The following DEPDC5 variants were observed in gnomAD, a reference collection of about 807,000 sequenced individuals.
DEPDC5 encodes the protein GATOR1 complex protein DEPDC5.
In DEPDC5, 73 loss-of-function variants were observed where a neutral mutation model predicts 217.3. The observed-to-expected ratio is 0.34, with a 90% confidence interval of 0.28 to 0.41. The LOEUF (loss-of-function observed/expected upper bound fraction) is 0.41. Among genes scored for constraint, DEPDC5 ranks in the 10% least tolerant of loss-of-function variants. DEPDC5 has a pLI of 1.00. For missense variants in DEPDC5, 1,675 were observed against 2,070.1 expected, an observed-to-expected ratio of 0.81 and a Z score of 3.70; for synonymous variants, 733 against 756.7, an observed-to-expected ratio of 0.97 and a Z score of 0.51.
At chr22:31,867,010 A>G (rs547436956) in intron 33 of DEPDC5, among the ~76,000 whole-genome samples, 14 of 152,328 alleles carry the variant, frequency 9.2e-5, no homozygotes, top group Non-Finnish European at 1.5e-4. Flanking sequence ...CACATCACTA[A>G]GTCTAGCCCA....
At chr22:31,865,110 G>T (rs867847495) in intron 33 of DEPDC5, among the ~76,000 whole-genome samples, 5 of 152,272 alleles carry the variant, frequency 3.3e-5, no homozygotes, top group Middle Eastern at 6.8e-3. Context: ...ACAGGCGTAA[G>T]CCACCGCACC....
At chr22:31,819,329 C>G in intron 22 of DEPDC5, 104 bp downstream of exon 22, 1 of 1,242,646 alleles carries the variant, frequency 8.0e-7, no homozygotes, top group South Asian at 1.3e-5. Flanking sequence ...TGTTGCTCCA[C>G]CTGTAAGATG....
intron 4 of DEPDC5, among the ~76,000 whole-genome samples, chr22:31,762,929 C>T (rs1233658323): frequency 1.3e-5 from 2 of 152,002 alleles, no homozygotes; most frequent in African/African-American, 4.8e-5. Flanking sequence ...ATTCTCCTGC[C>T]TCAGCCTCCC....
At chr22:31,843,840 C>G (rs2091546503) in intron 29 of DEPDC5, 28 bp downstream of exon 29, 1 of 1,569,334 alleles carries the variant, frequency 6.4e-7, no homozygotes, top group African/African-American at 1.3e-5. Flanking sequence ...GGATTTCCAT[C>G]TTTGCATCCT....
chr22:31,899,829 C>T (rs905865116), intron 40 of DEPDC5, among the ~76,000 whole-genome samples: 1 of 152,154 alleles, frequency 6.6e-6, no homozygotes, highest in Non-Finnish European at 1.5e-5. Flanking sequence ...CTCAGCACCT[C>T]CTCCCTGAGA....
At position 31,906,868 on chromosome 22, in the gene DEPDC5, T is replaced by C; in HGVS notation, c.*371T>C. ...GGTAGCATCCTTTTCCTTCACCATC[T>C]ATGGGATATTAGGGGCAGAATCTGC... On this transcript the variant is annotated 3_prime_UTR_variant, in exon 43 of 43. Transcript: ENST00000651528. The surrounding 1 kb of genome is among the most constrained non-coding windows in gnomAD (Gnocchi z 5.1). 1 of 357,490 alleles carries C rather than the reference T, an allele frequency of 2.8e-6. No individual in the cohort carries two copies. Among genetic ancestry groups the C allele is most frequent in the Non-Finnish European group, 5.2e-6 (1 of 192,020 alleles). The allele number at this position is 357,490 out of a possible 1,614,324, so 22.1% of individuals were successfully genotyped here. A position where few individuals can be genotyped will look rare whatever the true frequency, so the allele number is the denominator to read the frequency against.
intron 7 of DEPDC5, chr22:31,769,091 T>C (rs776341492): frequency 5.2e-5 from 16 of 305,872 alleles, no homozygotes; most frequent in Non-Finnish European, 7.3e-5. Flanking sequence ...AAACCCCGTC[T>C]CTACTAAAAA....
chr22:31,848,169 C>G (rs1477684769), intron 31 of DEPDC5, among the ~76,000 whole-genome samples: 1 of 152,198 alleles, frequency 6.6e-6, no homozygotes, highest in Non-Finnish European at 1.5e-5. Context: ...CTGCAGGGTA[C>G]CACCCCACTT....
At chr22:31,799,270 C>T (rs1489945189) in intron 14 of DEPDC5, among the ~76,000 whole-genome samples, 1 of 151,552 alleles carries the variant, frequency 6.6e-6, no homozygotes, top group Non-Finnish European at 1.5e-5. Context: ...GTCTCGATCT[C>T]CTGACCTCAT....
chr22:31,815,950 T>C (rs1401511145), intron 21 of DEPDC5: 2 of 996,310 alleles, frequency 2.0e-6, no homozygotes, highest in African/African-American at 1.7e-5. Flanking sequence ...TATTTCCTTA[T>C]GATTTCCATT....
At chr22:31,814,297 AAAAG>A (rs2088813064) in intron 20 of DEPDC5, 1 of 152,262 alleles carries the variant, frequency 6.6e-6, no homozygotes. Flanking sequence ...AATAAGAACT[AAAAG>A]AAAACCCATC....
intron 7 of DEPDC5, among the ~76,000 whole-genome samples, chr22:31,777,079 A>G (rs1335731812): frequency 7.6e-6 from 1 of 130,894 alleles, no homozygotes; most frequent in Non-Finnish European, 1.6e-5. Context: ...TCTCCTGCCT[A>G]AGCCTCCCTA....
intron 21 of DEPDC5, chr22:31,816,125 C>T (rs972026447): frequency 2.3e-5 from 14 of 612,910 alleles, no homozygotes; most frequent in African/African-American, 8.0e-5. Context: ...CATGGTGAAA[C>T]GCCGTCTCTA....
At chr22:31,885,711 C>T (rs1057151989) in intron 38 of DEPDC5, among the ~76,000 whole-genome samples, 4 of 137,686 alleles carry the variant, frequency 2.9e-5, no homozygotes, top group Admixed American at 7.9e-5. Context: ...GGCAACAGAG[C>T]GAGACTCCAT....
chr22:31,792,013 T>G lies in DEPDC5; in HGVS notation c.625-20T>G. ...TAAATGAAACAAACTTCAACCCTGT[T>G]GTTCTCTACTCATGCTTAGGAGAAG... On this transcript the variant is annotated intron_variant, in intron 10 of 42. Transcript: ENST00000651528. The G allele has an allele frequency of 1.9e-6, 3 of 1,584,708 alleles. No individual in the cohort carries two copies. The African/African-American group carries it at 4.0e-5, about 21-fold the overall frequency.
chr22:31,806,263 T>G, intron 18 of DEPDC5, 72 bp downstream of exon 18: 1 of 1,329,480 alleles, frequency 7.5e-7, no homozygotes. Flanking sequence ...CTGGACTCAA[T>G]CAGTCCTCCT....
chr22:31,896,523 CTT>C (rs71755369), intron 39 of DEPDC5, among the ~76,000 whole-genome samples: 22 of 146,546 alleles, frequency 1.5e-4, no homozygotes, highest in African/African-American at 3.5e-4. Context: ...ATCGATCAAC[CTT>C]TTTTTTTTTT....
At chr22:31,860,847 C>A (rs1178448474) in intron 32 of DEPDC5, among the ~76,000 whole-genome samples, 1 of 152,168 alleles carries the variant, frequency 6.6e-6, no homozygotes, top group Non-Finnish European at 1.5e-5. Context: ...AACCTCCTGG[C>A]TCAATGTATC....
chr22:31,854,803 G>A (rs1222317125), intron 31 of DEPDC5, among the ~76,000 whole-genome samples: 1 of 152,174 alleles, frequency 6.6e-6, no homozygotes, highest in Non-Finnish European at 1.5e-5. Flanking sequence ...GATGTAATCA[G>A]CACATCCAGA....
Sources: gnomAD v4.1 joint callset for allele counts (sites outside exome capture counted in the v4.1 genomes callset) on GRCh38, gnomAD v4.1.1 for gene constraint, Gnocchi (gnomAD v3.1) non-coding constraint, MANE v1.5 for transcripts, NCBI Gene and HGNC (gene_info 2026-07-23, HGNC 2026-07-21) for gene names.